The following LRRC4C variants were observed in gnomAD, a reference collection of about 807,000 sequenced individuals.
The protein encoded by LRRC4C is leucine rich repeat containing 4C.
A neutral mutation model predicts 33.6 loss-of-function variants in LRRC4C; 5 were observed. The ratio of observed to expected loss-of-function variants is 0.15; its 90% CI spans 0.08 to 0.31. The LOEUF (loss-of-function observed/expected upper bound fraction) is 0.31, where lower values mean the gene tolerates loss of function less well. Ranked by LOEUF, LRRC4C falls within the 10% of genes least tolerant of loss-of-function variation. The pLI is 1.00. For missense variants in LRRC4C, 560 were observed against 796.7 expected, an observed-to-expected ratio of 0.70 and a Z score of 3.58; for synonymous variants, 329 against 302.0, an observed-to-expected ratio of 1.09 and a Z score of -0.93.
chr11:40,163,552 G>T (rs952018703), intron 5 of LRRC4C, among the ~76,000 whole-genome samples: 5 of 152,134 alleles, frequency 3.3e-5, no homozygotes, highest in Admixed American at 1.3e-4. Flanking sequence ...ATATATTTGT[G>T]TATATGTATG....
intron 1 of LRRC4C, among the ~76,000 whole-genome samples, chr11:41,279,323 G>C (rs907323349): frequency 1.3e-5 from 2 of 150,862 alleles, no homozygotes; most frequent in Non-Finnish European, 2.9e-5. Flanking sequence ...CCTGCTTTCT[G>C]AGAGGCTACA....
At chr11:41,265,765 G>C (rs1319381993) in intron 1 of LRRC4C, among the ~76,000 whole-genome samples, 3 of 151,770 alleles carry the variant, frequency 2.0e-5, no homozygotes, top group Non-Finnish European at 4.4e-5. Flanking sequence ...CAGCTAGGAG[G>C]GACTCTGAAA....
intron 1 of LRRC4C, among the ~76,000 whole-genome samples, chr11:41,233,616 T>C (rs545787739): frequency 2.6e-5 from 4 of 152,188 alleles, no homozygotes; most frequent in Non-Finnish European, 5.9e-5. Flanking sequence ...AATATGACTC[T>C]TTCTTTAGAT....
intron 3 of LRRC4C, among the ~76,000 whole-genome samples, chr11:40,473,493 T>C (rs192135765): frequency 1.4e-4 from 22 of 152,256 alleles, no homozygotes; most frequent in African/African-American, 4.6e-4. Flanking sequence ...ACAGTCAATA[T>C]CACACTGAAT....
intron 2 of LRRC4C, among the ~76,000 whole-genome samples, chr11:40,761,413 T>C (rs1949203265): frequency 6.6e-6 from 1 of 152,184 alleles, no homozygotes; most frequent in South Asian, 2.1e-4. Flanking sequence ...ACTTAATGAG[T>C]TTTTCATCTT....
At chr11:41,196,039 G>A (rs954957575) in intron 1 of LRRC4C, among the ~76,000 whole-genome samples, 1 of 151,962 alleles carries the variant, frequency 6.6e-6, no homozygotes, top group African/African-American at 2.4e-5. Context: ...TTTAAAGTTT[G>A]TTGCTTTCTT....
intron 6 of LRRC4C, among the ~76,000 whole-genome samples, chr11:40,136,950 A>G (rs1038902684): frequency 4.6e-5 from 7 of 152,250 alleles, no homozygotes; most frequent in Non-Finnish European, 1.0e-4. Flanking sequence ...TCTTCCAAAG[A>G]TAACATGGAA....
chr11:41,374,024 A>G (rs1349449964), intron 1 of LRRC4C, among the ~76,000 whole-genome samples: 4 of 152,182 alleles, frequency 2.6e-5, no homozygotes, highest in Admixed American at 6.5e-5. Flanking sequence ...CTTTTGGCCA[A>G]TACCTAAATC....
At chr11:40,172,043 T>C (rs929178831) in intron 5 of LRRC4C, among the ~76,000 whole-genome samples, 12 of 151,920 alleles carry the variant, frequency 7.9e-5, no homozygotes, top group African/African-American at 2.9e-4. Flanking sequence ...CTGAAAGGAG[T>C]CCGTTTGCTT....
rs766726316 is a variant in LRRC4C at position 41,327,478 on chromosome 11, G to A, written c.-496+131953C>T. On this transcript the variant is annotated intron_variant, in intron 1 of 6. Coordinates refer to ENST00000528697, the MANE Select transcript of LRRC4C (RefSeq NM_001258419.2). ...AATTCAATTTGGCAGAAACCCAAGTGTACAAATAAACTTCCCCAATGTAGG... is the reference window on the plus strand; with the variant it reads ...AATTCAATTTGGCAGAAACCCAAGTATACAAATAAACTTCCCCAATGTAGG... Among the ~76,000 whole-genome samples the A allele has an allele frequency of 5.3e-5, 8 of 152,098 alleles. 1 individual carries two copies. Among genetic ancestry groups the A allele is most frequent in the South Asian group, 2.1e-4 (1 of 4,824 alleles).
intron 5 of LRRC4C, among the ~76,000 whole-genome samples, chr11:40,205,576 CTT>C (rs1267460728): frequency 2.6e-5 from 4 of 152,072 alleles, no homozygotes; most frequent in Non-Finnish European, 5.9e-5. Flanking sequence ...CTCCTGCAGA[CTT>C]TGCTATATAT....
intron 3 of LRRC4C, among the ~76,000 whole-genome samples, chr11:40,601,691 T>A (rs982429102): frequency 1.3e-5 from 2 of 152,234 alleles, no homozygotes; most frequent in East Asian, 3.8e-4. Flanking sequence ...TAGAAGGCAC[T>A]TGAATATTTT....
intron 1 of LRRC4C, among the ~76,000 whole-genome samples, chr11:40,939,479 A>ATG (rs1555010234): frequency 1.3e-5 from 1 of 76,764 alleles, no homozygotes; most frequent in Non-Finnish European, 3.0e-5. Context: ...AATAGCTTAA[A>ATG]AAGTGAAAAA....
At chr11:40,818,736 T>C (rs951496523) in intron 2 of LRRC4C, among the ~76,000 whole-genome samples, 1 of 152,082 alleles carries the variant, frequency 6.6e-6, no homozygotes, top group Non-Finnish European at 1.5e-5. Flanking sequence ...TATCATCAGT[T>C]ACCCAAGATA....
intron 4 of LRRC4C, among the ~76,000 whole-genome samples, chr11:40,285,269 G>T (rs1943758199): frequency 6.6e-6 from 1 of 152,132 alleles, no homozygotes; most frequent in African/African-American, 2.4e-5. Context: ...CATTATTTAA[G>T]GAGAAGATTA....
chr11:40,777,196 G>A (rs1950034638), intron 2 of LRRC4C, among the ~76,000 whole-genome samples: 1 of 152,170 alleles, frequency 6.6e-6, no homozygotes, highest in Non-Finnish European at 1.5e-5. Flanking sequence ...TGTATATTCT[G>A]TGCTTATTGG....
At chr11:40,519,354 AC>A (rs1287517742) in intron 3 of LRRC4C, among the ~76,000 whole-genome samples, 1 of 152,150 alleles carries the variant, frequency 6.6e-6, no homozygotes, top group African/African-American at 2.4e-5. Context: ...TTAACATATG[AC>A]CCCCAGATAT....
intron 2 of LRRC4C, among the ~76,000 whole-genome samples, chr11:40,720,313 C>G (rs1194162063): frequency 6.6e-6 from 1 of 152,082 alleles, no homozygotes; most frequent in African/African-American, 2.4e-5. Flanking sequence ...TTTAGGTAAC[C>G]TAGTTCAAAC....
chr11:40,653,986 CA>C lies in LRRC4C; in HGVS notation c.-406-5709del, dbSNP rs1468836084. ...CCATTGCTTCAAAGGATGCAGGCCC[CA>C]AGACTTGTCAGCTTTCCTGTGGTAT... On this transcript the variant is annotated intron_variant, in intron 2 of 6. Transcript: ENST00000528697. Among the ~76,000 whole-genome samples the C allele has an allele frequency of 2.0e-5, 3 of 152,302 alleles. No individual in the cohort carries two copies. In the East Asian group the frequency reaches 5.8e-4, roughly 29 times the overall value.
Sources: allele counts gnomAD v4.1 joint callset (sites outside exome capture counted in the v4.1 genomes callset), GRCh38; gene constraint gnomAD v4.1.1; transcripts MANE v1.5; gene names NCBI Gene and HGNC (gene_info 2026-07-23, HGNC 2026-07-21).